Variants in ARHGEF5 observed in about 807,000 individuals in gnomAD.
ARHGEF5 encodes Rho guanine nucleotide exchange factor (GEF) 5.
Under a neutral mutation model 104.0 loss-of-function variants are expected in ARHGEF5, and 11 were observed. The ratio of observed to expected loss-of-function variants is 0.11; its 90% CI spans 0.07 to 0.18. The LOEUF (loss-of-function observed/expected upper bound fraction) is 0.18. ARHGEF5 is among the 10% of genes least tolerant of loss of function. The pLI is 1.00. For missense variants in ARHGEF5, 165 were observed against 1,335.4 expected, an observed-to-expected ratio of 0.12 and a Z score of 13.66; for synonymous variants, 60 against 512.2, an observed-to-expected ratio of 0.12 and a Z score of 11.92.
chr7:144,358,758 AGTGTGTGT>A (rs71222348), intron 1 of ARHGEF5, among the ~76,000 whole-genome samples: 1,306 of 90,830 alleles, frequency 0.014, 60 homozygotes, highest in East Asian at 0.077. Flanking sequence ...AGGATGGCTC[AGTGTGTGT>A]GTGTGTGTGT....
intron 13 of ARHGEF5, 49 bp from the exon 14 acceptor site, chr7:144,378,713 C>T: frequency 6.5e-7 from 1 of 1,540,136 alleles, no homozygotes; most frequent in South Asian, 1.2e-5. Flanking sequence ...TGTCTGTGTT[C>T]CAATCCCCTG....
intron 1 of ARHGEF5, among the ~76,000 whole-genome samples, chr7:144,357,727 G>C (rs1438049472): frequency 6.6e-6 from 1 of 151,934 alleles, no homozygotes; most frequent in East Asian, 1.9e-4. Flanking sequence ...TAAGGTGTTG[G>C]GGGGGGCTCT....
At chr7:144,373,926 C>A (rs1429339273) in intron 10 of ARHGEF5, among the ~76,000 whole-genome samples, 1 of 135,246 alleles carries the variant, frequency 7.4e-6, no homozygotes, top group African/African-American at 2.7e-5. Context: ...ACTGCAACCT[C>A]CACCTCCCAG....
Position 144,379,893 on chromosome 7 carries a change from C to T in ARHGEF5, c.4637-6C>T. Reference sequence around the variant, plus strand: ...GTAATTCTTCCCACTCACCCTGTGCCCACAGGCTGGCTGGAGGGCGTGAGG... The same window carrying T: ...GTAATTCTTCCCACTCACCCTGTGCTCACAGGCTGGCTGGAGGGCGTGAGG... On this transcript the variant is annotated splice_region_variant and splice_polypyrimidine_tract_variant and intron_variant, in intron 14 of 14. Transcript: ENST00000056217. 6.2e-7 allele frequency: 1 copy of T among 1,614,090 alleles called. No individual in the cohort carries two copies. Among genetic ancestry groups the T allele is most frequent in the Non-Finnish European group, 8.5e-7 (1 of 1,179,988 alleles).
intron 1 of ARHGEF5, among the ~76,000 whole-genome samples, chr7:144,361,024 T>A (rs1389872208): frequency 6.9e-6 from 1 of 144,622 alleles, no homozygotes; most frequent in Non-Finnish European, 1.5e-5. Flanking sequence ...GGTCAGGAGA[T>A]TGAGACCATC....
rs1342667319 is a variant in ARHGEF5 at position 144,365,220 on chromosome 7, C to G, written c.2551C>G (p.Pro851Ala). 6.2e-7 allele frequency: 1 copy of G among 1,612,940 alleles called. No homozygotes were observed. Among genetic ancestry groups the G allele is most frequent in the Non-Finnish European group, 8.5e-7 (1 of 1,179,354 alleles). The change falls in exon 2 of 15, where the codon CCA (proline) becomes GCA (alanine). Residue 851 changes from proline (P) to alanine (A), a missense_variant. Pro to Ala is a conservative substitution (Grantham distance 27). Transcript: ENST00000056217. ...ACCCATCATAGACCCTCCCACCGAA[C>G]CACCCCCATTGCCCCCAAAGTCCAG... ...PLPIIDPPTE[P>A]PPLPPKSRGR...
intron 9 of ARHGEF5, among the ~76,000 whole-genome samples, 186 bp downstream of exon 9, chr7:144,372,943 A>G (rs1336248017): frequency 3.0e-5 from 4 of 133,996 alleles, no homozygotes; most frequent in Non-Finnish European, 6.6e-5. Context: ...CGCCGAGCAC[A>G]CTCCACATCA....
chr7:144,378,591 TA>T (rs2053777766), intron 13 of ARHGEF5, among the ~76,000 whole-genome samples, 170 bp from the exon 14 acceptor site: 3 of 152,190 alleles, frequency 2.0e-5, no homozygotes, highest in African/African-American at 7.2e-5. Context: ...TCATTTCTGG[TA>T]TGTCTATTTC....
chr7:144,378,672 A>G (rs1470524427), intron 13 of ARHGEF5, 90 bp from the exon 14 acceptor site: 3 of 1,072,200 alleles, frequency 2.8e-6, no homozygotes, highest in Middle Eastern at 2.1e-4. Context: ...CTCTATCTCA[A>G]GTCCTCCCAC....
At chr7:144,378,932 C>T (rs911479972) in intron 14 of ARHGEF5, 66 bp downstream of exon 14, 50 of 1,451,398 alleles carry the variant, frequency 3.4e-5, no homozygotes, top group Non-Finnish European at 4.4e-5. Context: ...GGAGTGTGTT[C>T]ACTTCCTGCA....
chr7:144,355,419 GCTGGGGACGGCT>G lies in ARHGEF5; in HGVS notation c.-86_-75del, dbSNP rs1274702855. On this transcript the variant is annotated 5_prime_UTR_variant, in exon 1 of 15. Transcript: ENST00000056217. ...CCGCGGGTGGGGCGGCCGGGCCTGC[GCTGGGGACGGCT>G]CTGGGGACTGCGGCCGGCGCCGGGA... 4.5e-5 allele frequency: 6 copies of G among 134,502 alleles called. No homozygotes were observed. The highest frequency in any genetic ancestry group is 2.7e-5 in the African/African-American group (1 of 36,568). 8.3% of individuals were successfully genotyped at this position (134,502 alleles called of 1,614,324 possible).
chr7:144,361,226 CA>C (rs60603784), intron 1 of ARHGEF5, among the ~76,000 whole-genome samples: 29 of 17,986 alleles, frequency 1.6e-3, no homozygotes, highest in Admixed American at 3.4e-3. Context: ...GACTCCATCT[CA>C]AAAAAAAAAA....
Position 144,361,687 on chromosome 7 carries a change from AG to A in ARHGEF5, c.-12-969del, listed in dbSNP as rs1484364928. On this transcript the variant is annotated intron_variant, in intron 1 of 14. Coordinates refer to ENST00000056217, the MANE Select transcript of ARHGEF5 (RefSeq NM_005435.4). ...CGGAAGATAGAAAGAGTGGAAATAC[AG>A]GTTGCTTTGGATCGCAAGAAATTGA... is the stretch of plus-strand genomic sequence containing the variant. Among the ~76,000 whole-genome samples, 6 of 150,380 alleles carry A rather than the reference AG, an allele frequency of 4.0e-5. 2 individuals carry two copies. The highest frequency in any genetic ancestry group is 9.0e-5 in the Non-Finnish European group (6 of 67,026).
At position 144,373,853 on chromosome 7, in the gene ARHGEF5, T is replaced by C. The variant is rs1246264558; in HGVS notation, c.4140+569T>C. ...ACTTAGAACAGATACTATCTTTTTTTTTTTTTTGACAGAGTCTCACTCTGT... is the reference window on the plus strand; with the variant it reads ...ACTTAGAACAGATACTATCTTTTTTCTTTTTTTGACAGAGTCTCACTCTGT... On this transcript the variant is annotated intron_variant, in intron 10 of 14. Coordinates refer to ENST00000056217, the MANE Select transcript of ARHGEF5 (RefSeq NM_005435.4). Among the ~76,000 whole-genome samples, 7 of 148,726 alleles carry C rather than the reference T, an allele frequency of 4.7e-5. No individual in the cohort carries two copies. In the Admixed American group the frequency reaches 4.8e-4, roughly 10 times the overall value.
Position 144,380,196 on chromosome 7 carries a change from A to C in ARHGEF5, c.*140A>C. The C allele has an allele frequency of 8.8e-7, 1 of 1,134,322 alleles. No individual in the cohort carries two copies. Among genetic ancestry groups the C allele is most frequent in the South Asian group, 1.6e-5 (1 of 63,828 alleles). 70.3% of individuals were successfully genotyped at this position (1,134,322 alleles called of 1,614,324 possible). ...CTCAAGGACAAAATCCAGCTAACCC[A>C]GTCCCTCGGCCCAGGCCTCCTTTCG... On this transcript the variant is annotated 3_prime_UTR_variant, in exon 15 of 15. Coordinates refer to ENST00000056217, the MANE Select transcript of ARHGEF5 (RefSeq NM_005435.4).
chr7:144,377,962 G>A (rs957032427), intron 13 of ARHGEF5, among the ~76,000 whole-genome samples: 5 of 152,146 alleles, frequency 3.3e-5, no homozygotes, highest in Non-Finnish European at 7.4e-5. Context: ...GGCAGATGGG[G>A]AGGATCTTGA....
intron 1 of ARHGEF5, among the ~76,000 whole-genome samples, chr7:144,360,792 T>G (rs1182314204): frequency 7.3e-6 from 1 of 137,352 alleles, no homozygotes; most frequent in Non-Finnish European, 1.6e-5. Flanking sequence ...CTCATAAATT[T>G]TACTATCTAT....
chr7:144,358,797 G>C (rs1280061750), intron 1 of ARHGEF5, among the ~76,000 whole-genome samples: 1 of 132,198 alleles, frequency 7.6e-6, no homozygotes, highest in African/African-American at 2.8e-5. Flanking sequence ...GTGTGTGTGT[G>C]TGTGTACACA....
intron 14 of ARHGEF5, 103 bp from the exon 15 acceptor site, chr7:144,379,796 T>A: frequency 6.8e-7 from 1 of 1,465,566 alleles, no homozygotes; most frequent in Non-Finnish European, 9.3e-7. Flanking sequence ...GGCTCCCCAG[T>A]TCACTCAGCC....
Sources: allele counts gnomAD v4.1 joint callset (sites outside exome capture counted in the v4.1 genomes callset), GRCh38; gene constraint gnomAD v4.1.1; transcripts MANE v1.5; gene names NCBI Gene and HGNC (gene_info 2026-07-23, HGNC 2026-07-21).